The following LGSN variants were observed in gnomAD, a reference collection of about 807,000 sequenced individuals.
LGSN encodes lengsin.
Under a neutral mutation model 19.5 loss-of-function variants are expected in LGSN, and 21 were observed. The observed-to-expected ratio is 1.07, with a 90% CI of 0.76 to 1.55. LGSN has a LOEUF of 1.55. Among genes scored for constraint, LGSN ranks in the 40% most tolerant of loss-of-function variants. The probability of loss-of-function intolerance (pLI) is 0.00; values close to 1 mark genes in which losing one functional copy is unlikely to be tolerated. For synonymous variants in LGSN, 257 were observed against 215.6 expected (o/e 1.19, Z -1.68); for missense variants, 673 against 608.5 (o/e 1.11, Z -1.12).
the LGSN span, among the ~76,000 whole-genome samples, chr6:63,414,515 C>T: frequency 6.6e-6 from 1 of 152,106 alleles, no homozygotes; most frequent in Non-Finnish European, 1.5e-5. Context: ...ATGTCTATTA[C>T]CTTGATTATG....
chr6:63,364,033 T>C, the LGSN span, among the ~76,000 whole-genome samples: 1 of 152,064 alleles, frequency 6.6e-6, no homozygotes. Flanking sequence ...ATGAGCAAAA[T>C]AACCAGCTAA....
chr6:63,353,021 G>A, the LGSN span, among the ~76,000 whole-genome samples: 4 of 152,030 alleles, frequency 2.6e-5, no homozygotes, highest in Admixed American at 1.3e-4. Flanking sequence ...AGACAGACAC[G>A]TGACCCTGGT....
chr6:63,344,547 G>A, the LGSN span, among the ~76,000 whole-genome samples: 1 of 152,136 alleles, frequency 6.6e-6, no homozygotes, highest in African/African-American at 2.4e-5. Flanking sequence ...GAGTTCCCAT[G>A]ATGATGGCTG....
At position 63,299,984 on chromosome 6, in the gene LGSN, C is replaced by T. The variant is rs1045318473; in HGVS notation, c.31-4939G>A. Among the ~76,000 whole-genome samples, 18 of 152,160 alleles carry T rather than the reference C, an allele frequency of 1.2e-4. 1 individual carries two copies. Among genetic ancestry groups the T allele is most frequent in the Admixed American group, 4.6e-4 (7 of 15,280 alleles). The stretch of plus-strand genomic sequence containing the variant: ...GGCTGGCTACTGGGTTCCCCTGAAG[C>T]CTTTCACACATCTTACTGTGAGCTT... On this transcript the variant is annotated intron_variant, in intron 1 of 3. Coordinates refer to ENST00000370657, the MANE Select transcript of LGSN (RefSeq NM_016571.3).
At chr6:63,509,170 T>G in the LGSN span, among the ~76,000 whole-genome samples, 1 of 151,550 alleles carries the variant, frequency 6.6e-6, no homozygotes, top group Non-Finnish European at 1.5e-5. Context: ...GTTCAAGCGA[T>G]TCTTGAGGTT....
intron 1 of LGSN, 99 bp from the exon 2 acceptor site, chr6:63,295,144 G>A: frequency 9.4e-7 from 1 of 1,058,732 alleles, no homozygotes; most frequent in Non-Finnish European, 1.4e-6. Flanking sequence ...ATTTTTTAAT[G>A]AGCATAGAAG....
the LGSN span, among the ~76,000 whole-genome samples, chr6:63,327,066 A>G: frequency 1.3e-5 from 2 of 152,184 alleles, no homozygotes; most frequent in African/African-American, 2.4e-5. Flanking sequence ...AATTTGGCTG[A>G]TGACCACTCT....
chr6:63,470,607 G>A, the LGSN span, among the ~76,000 whole-genome samples: 1 of 151,938 alleles, frequency 6.6e-6, no homozygotes, highest in Non-Finnish European at 1.5e-5. Context: ...GACTCTTCAT[G>A]GTTTACTAGG....
the LGSN span, among the ~76,000 whole-genome samples, chr6:63,446,172 C>T: frequency 6.7e-6 from 1 of 148,396 alleles, no homozygotes; most frequent in East Asian, 2.0e-4. Context: ...ATCATTTGAA[C>T]CTGGGAGGCA....
chr6:63,378,118 G>A, the LGSN span, among the ~76,000 whole-genome samples: 1,295 of 151,718 alleles, frequency 8.5e-3, 22 homozygotes, highest in African/African-American at 0.03. Flanking sequence ...TGCAAAGGAT[G>A]ACAGGTAAGC....
chr6:63,366,888 T>C, the LGSN span, among the ~76,000 whole-genome samples: 4 of 150,136 alleles, frequency 2.7e-5, no homozygotes, highest in Non-Finnish European at 4.4e-5. Context: ...GCTAGCCATA[T>C]GTAGAAAGCT....
chr6:63,563,572 A>G, the LGSN span, among the ~76,000 whole-genome samples: 4 of 152,232 alleles, frequency 2.6e-5, no homozygotes, highest in Admixed American at 6.5e-5. Context: ...AATATATTCT[A>G]TGCTTATTTA....
chr6:63,345,014 T>C, the LGSN span, among the ~76,000 whole-genome samples: 1 of 152,012 alleles, frequency 6.6e-6, no homozygotes, highest in Non-Finnish European at 1.5e-5. Flanking sequence ...GGAAACCCAA[T>C]CATTGTTTAT....
the LGSN span, chr6:63,570,858 C>T: frequency 7.2e-5 from 11 of 152,258 alleles, no homozygotes; most frequent in East Asian, 1.7e-3. Context: ...TTGTCAAAAG[C>T]CTTTTGCCAT....
At chr6:63,397,438 T>C in the LGSN span, among the ~76,000 whole-genome samples, 1 of 149,074 alleles carries the variant, frequency 6.7e-6, no homozygotes. Context: ...CCAGGAAACT[T>C]GTCGGCTTGG....
At chr6:63,412,567 A>AAAGAAAGAAAGAAAGAAAGAAAGAAAGG in the LGSN span, among the ~76,000 whole-genome samples, 1 of 121,598 alleles carries the variant, frequency 8.2e-6, no homozygotes, top group Non-Finnish European at 1.6e-5. Flanking sequence ...AGAAAGAAAG[A>AAAGAAAGAAAGAAAGAAAGAAAGAAAGG]AAGGAAGGAA....
intron 1 of LGSN, among the ~76,000 whole-genome samples, chr6:63,300,196 A>T (rs1242561921): frequency 6.6e-6 from 1 of 152,146 alleles, no homozygotes. Context: ...TCCTCCAGAC[A>T]TCCTTTTCAT....
At chr6:63,433,823 CA>C in the LGSN span, among the ~76,000 whole-genome samples, 106 of 152,142 alleles carry the variant, frequency 7.0e-4, no homozygotes, top group Non-Finnish European at 1.3e-3. Flanking sequence ...TACTTTAAGA[CA>C]AAATTGTCTC....
chr6:63,336,577 GTA>G, the LGSN span, among the ~76,000 whole-genome samples: 1 of 135,292 alleles, frequency 7.4e-6, no homozygotes. Flanking sequence ...ATATATATAT[GTA>G]TAAAATTATA....
Sources: allele counts gnomAD v4.1 joint callset (sites outside exome capture counted in the v4.1 genomes callset), GRCh38; gene constraint gnomAD v4.1.1; transcripts MANE v1.5; gene names NCBI Gene and HGNC (gene_info 2026-07-23, HGNC 2026-07-21).